MEGF11: variants seen among roughly 807,000 people sequenced by gnomAD.
MEGF11 encodes the protein multiple epidermal growth factor-like domains protein 11.
A neutral mutation model predicts 146.6 loss-of-function variants in MEGF11; 126 were observed. That is an observed-to-expected ratio of 0.86 (90% CI 0.74 to 1.00). MEGF11 has a LOEUF of 1.00. Ranked by LOEUF, MEGF11 falls within the 50% of genes least tolerant of loss-of-function variation. MEGF11 has a pLI of 0.00. For missense variants in MEGF11, 1,509 were observed against 1,521.2 expected, an observed-to-expected ratio of 0.99 and a Z score of 0.13; for synonymous variants, 532 against 583.4, an observed-to-expected ratio of 0.91 and a Z score of 1.27.
chr15:66,005,883 A>G (rs917630991), intron 5 of MEGF11, among the ~76,000 whole-genome samples: 2 of 152,216 alleles, frequency 1.3e-5, no homozygotes, highest in African/African-American at 4.8e-5. Flanking sequence ...CTCAAGTGCA[A>G]CTTACCCACT....
chr15:66,156,792 T>C (rs756218699), intron 1 of MEGF11, among the ~76,000 whole-genome samples: 3 of 152,148 alleles, frequency 2.0e-5, no homozygotes, highest in Non-Finnish European at 4.4e-5. Context: ...GGGTGGTGTC[T>C]AAGATGAGAG....
At chr15:66,176,511 A>C (rs1376277116) in intron 1 of MEGF11, among the ~76,000 whole-genome samples, 2 of 152,168 alleles carry the variant, frequency 1.3e-5, no homozygotes, top group African/African-American at 4.8e-5. Flanking sequence ...AAAATAAATA[A>C]AATTTAAAAC....
chr15:66,150,507 A>G (rs2089523428), intron 1 of MEGF11, among the ~76,000 whole-genome samples: 1 of 152,048 alleles, frequency 6.6e-6, no homozygotes, highest in Non-Finnish European at 1.5e-5. Flanking sequence ...CCCAATTGTG[A>G]TGACATTAAC....
At chr15:66,081,978 G>C (rs995916568) in intron 5 of MEGF11, among the ~76,000 whole-genome samples, 12 of 152,194 alleles carry the variant, frequency 7.9e-5, no homozygotes, top group Admixed American at 7.2e-4. Flanking sequence ...GACACCGTGA[G>C]AAGGCAGGCC....
intron 1 of MEGF11, among the ~76,000 whole-genome samples, chr15:66,201,879 G>A (rs555733603): frequency 1.3e-4 from 19 of 149,020 alleles, no homozygotes; most frequent in African/African-American, 4.5e-4. Context: ...CCCAGGAGGC[G>A]GAGGCTGTAG....
At chr15:65,995,775 C>T (rs1392185555) in intron 5 of MEGF11, among the ~76,000 whole-genome samples, 2 of 152,204 alleles carry the variant, frequency 1.3e-5, no homozygotes, top group Non-Finnish European at 2.9e-5. Context: ...CAAATGACTT[C>T]CTTACTGGCA....
At chr15:66,250,519 T>A (rs1276454964) in intron 1 of MEGF11, among the ~76,000 whole-genome samples, 1 of 152,254 alleles carries the variant, frequency 6.6e-6, no homozygotes. Context: ...GTCCAGTGCC[T>A]GGCACAAAGA....
At chr15:66,147,529 C>T (rs2089418454) in intron 1 of MEGF11, among the ~76,000 whole-genome samples, 1 of 152,228 alleles carries the variant, frequency 6.6e-6, no homozygotes, top group Admixed American at 6.5e-5. Context: ...TGGGAGGGAA[C>T]ACTGGCCAGA....
intron 1 of MEGF11, among the ~76,000 whole-genome samples, chr15:66,191,809 C>A (rs1400693520): frequency 6.6e-6 from 1 of 152,214 alleles, no homozygotes; most frequent in East Asian, 1.9e-4. Flanking sequence ...GGCCCGGTGG[C>A]TCACGCCTGT....
At chr15:65,969,233 C>CATTTCCAACA (rs1206169554) in intron 8 of MEGF11, among the ~76,000 whole-genome samples, 1 of 152,226 alleles carries the variant, frequency 6.6e-6, no homozygotes, top group East Asian at 1.9e-4. Flanking sequence ...TGGGCCTGCT[C>CATTTCCAACA]ATTTCCAACA....
intron 4 of MEGF11, among the ~76,000 whole-genome samples, chr15:66,101,630 G>A (rs1168288276): frequency 6.6e-5 from 10 of 152,276 alleles, no homozygotes; most frequent in South Asian, 4.1e-4. Flanking sequence ...CATGATGCCC[G>A]GCACATGGCA....
At chr15:65,960,751 C>A (rs952169892) in intron 9 of MEGF11, among the ~76,000 whole-genome samples, 1 of 152,224 alleles carries the variant, frequency 6.6e-6, no homozygotes, top group Admixed American at 6.5e-5. Context: ...ATCCATTACA[C>A]GCTCTTATTT....
intron 5 of MEGF11, among the ~76,000 whole-genome samples, chr15:66,048,835 T>C (rs1338303415): frequency 1.3e-5 from 2 of 152,118 alleles, no homozygotes; most frequent in African/African-American, 4.8e-5. Flanking sequence ...CTTGTAGAAA[T>C]TTCTGGGGCC....
intron 23 of MEGF11, among the ~76,000 whole-genome samples, chr15:65,906,987 T>A (rs894358308): frequency 6.6e-6 from 1 of 152,148 alleles, no homozygotes; most frequent in Non-Finnish European, 1.5e-5. Context: ...GAAAAGAAAT[T>A]GTTTGGCATT....
At chr15:66,073,174 ATGGCGAGGCCTCTGG>A (rs891284513) in intron 5 of MEGF11, among the ~76,000 whole-genome samples, 6 of 152,232 alleles carry the variant, frequency 3.9e-5, no homozygotes, top group African/African-American at 1.4e-4. Context: ...CCTGAGATGA[ATGGCGAGGCCTCTGG>A]TGTGAGGTGG....
At chr15:66,009,883 C>T (rs768490224) in intron 5 of MEGF11, among the ~76,000 whole-genome samples, 2 of 152,108 alleles carry the variant, frequency 1.3e-5, no homozygotes, top group African/African-American at 4.8e-5. Context: ...CGTGAGCCAC[C>T]GTGCCCGGCC....
At chr15:65,998,280 G>C (rs372548504) in intron 5 of MEGF11, among the ~76,000 whole-genome samples, 1 of 152,132 alleles carries the variant, frequency 6.6e-6, no homozygotes, top group East Asian at 1.9e-4. Context: ...CTTAGAATGA[G>C]AGAGAGAAAG....
At chr15:65,937,577 C>T (rs1240846162) in intron 10 of MEGF11, among the ~76,000 whole-genome samples, 3 of 152,256 alleles carry the variant, frequency 2.0e-5, no homozygotes, top group Non-Finnish European at 4.4e-5. Context: ...CTACAAAGCC[C>T]TCTCCATTTG....
In MEGF11 at chr15:66,064,237, C is replaced by T. The variant is rs951367133; in HGVS notation, c.394+30165G>A. Among the ~76,000 whole-genome samples, 6 of 152,116 alleles carry T rather than the reference C, an allele frequency of 3.9e-5. No individual in the cohort carries two copies. In the South Asian group the frequency reaches 8.3e-4, roughly 21 times the overall value. On this transcript the variant is annotated intron_variant, in intron 5 of 25. Coordinates refer to ENST00000395614, the MANE Select transcript of MEGF11 (RefSeq NM_001385028.1). The stretch of plus-strand genomic sequence containing the variant: ...ACAGAAAATGAGCTGGGTGTGGTGG[C>T]GCACGTGTGTAATCCCAGTTACTCT...
Sources: allele counts gnomAD v4.1 joint callset (sites outside exome capture counted in the v4.1 genomes callset), GRCh38; gene constraint gnomAD v4.1.1; transcripts MANE v1.5; gene names NCBI Gene and HGNC (gene_info 2026-07-23, HGNC 2026-07-21).